The following PRR5 variants were observed in gnomAD, a reference collection of about 807,000 sequenced individuals.
PRR5 encodes the protein proline-rich protein 5.
PRR5 carries 25 observed loss-of-function variants against 30.6 expected under a neutral mutation model. The observed-to-expected ratio is 0.82, with a 90% CI of 0.60 to 1.14. The LOEUF is 1.14. Ranked by LOEUF, PRR5 falls within the 50% of genes most tolerant of loss-of-function variation. The probability of loss-of-function intolerance (pLI) is 0.00; values close to 1 mark genes in which losing one functional copy is unlikely to be tolerated. For synonymous variants in PRR5, 286 were observed against 247.1 expected (o/e 1.16, Z -1.48); for missense variants, 600 against 547.1 (o/e 1.10, Z -0.96).
chr22:44,732,920 G>A (rs1922429803), intron 6 of PRR5, among the ~76,000 whole-genome samples: 1 of 143,998 alleles, frequency 6.9e-6, no homozygotes, highest in East Asian at 2.1e-4. Context: ...CACTACACAC[G>A]TGCGCACGCA....
At chr22:44,710,543 G>A (rs752925341) in intron 1 of PRR5, among the ~76,000 whole-genome samples, 77 of 152,184 alleles carry the variant, frequency 5.1e-4, no homozygotes, top group Non-Finnish European at 9.0e-4. Flanking sequence ...GGCAGCTGGG[G>A]TTTCGTTTCT....
chr22:44,733,373 C>T (rs1922594892), intron 6 of PRR5, among the ~76,000 whole-genome samples: 2 of 152,262 alleles, frequency 1.3e-5, no homozygotes, highest in South Asian at 4.1e-4. Flanking sequence ...GGCGGGAGCC[C>T]AGCTTCACCC....
intron 7 of PRR5, among the ~76,000 whole-genome samples, chr22:44,736,086 C>T (rs1311164085): frequency 6.6e-6 from 1 of 152,204 alleles, no homozygotes; most frequent in Admixed American, 6.5e-5. Context: ...TGCCCCCCAA[C>T]CAGCCTTGGC....
chr22:44,678,267 C>G (rs1351644577), intron 1 of PRR5, among the ~76,000 whole-genome samples: 1 of 151,416 alleles, frequency 6.6e-6, no homozygotes, highest in Admixed American at 6.6e-5. Context: ...TCCTGCTGTT[C>G]CTATGCCTAG....
chr22:44,685,144 G>C (rs1924631236), intron 1 of PRR5, among the ~76,000 whole-genome samples: 1 of 152,158 alleles, frequency 6.6e-6, no homozygotes, highest in South Asian at 2.1e-4. Flanking sequence ...TGGAAATTCT[G>C]GCCTGTAGGT....
At chr22:44,686,844 T>A (rs530989739) in intron 1 of PRR5, among the ~76,000 whole-genome samples, 2 of 152,328 alleles carry the variant, frequency 1.3e-5, no homozygotes, top group East Asian at 3.9e-4. Flanking sequence ...GAACTCCTGA[T>A]CTCATGATCT....
At chr22:44,714,250 G>A (rs1928712844) in intron 1 of PRR5, among the ~76,000 whole-genome samples, 1 of 152,204 alleles carries the variant, frequency 6.6e-6, no homozygotes, top group African/African-American at 2.4e-5. Context: ...ATGTGTTGGG[G>A]GGTGGGAGAG....
Position 44,716,826 on chromosome 22 carries a change from C to T in PRR5, c.215+2155C>T, listed in dbSNP as rs1020368293. On this transcript the variant is annotated intron_variant, in intron 2 of 7. Coordinates refer to ENST00000336985, the MANE Select transcript of PRR5 (RefSeq NM_181333.4). The stretch of plus-strand genomic sequence containing the variant: ...CTGTAATCCCAGCACTTTGGGAGGC[C>T]GAGGCAGGAGGATTGCTTGCGTTCA... Among the ~76,000 whole-genome samples the T allele has an allele frequency of 2.0e-5, 3 of 152,154 alleles. No homozygotes were observed. In the East Asian group the frequency reaches 5.8e-4, roughly 30 times the overall value.
intron 1 of PRR5, among the ~76,000 whole-genome samples, chr22:44,685,525 G>C (rs1924664821): frequency 6.7e-6 from 1 of 149,756 alleles, no homozygotes; most frequent in African/African-American, 2.5e-5. Flanking sequence ...TGCGCTTTCA[G>C]AGAAGCCAGT....
At chr22:44,721,505 T>C (rs927859493) in intron 2 of PRR5, among the ~76,000 whole-genome samples, 6 of 152,124 alleles carry the variant, frequency 3.9e-5, no homozygotes, top group East Asian at 1.9e-4. Context: ...GCCCAACCAA[T>C]TGTGGTAGGG....
intron 7 of PRR5, 31 bp downstream of exon 7, chr22:44,735,193 C>A: frequency 6.3e-7 from 1 of 1,598,726 alleles, no homozygotes; most frequent in Non-Finnish European, 8.5e-7. Flanking sequence ...TGGGCTGGGG[C>A]AGGGGTGACC....
intron 4 of PRR5, chr22:44,731,273 T>G (rs1358341914): frequency 3.7e-6 from 1 of 267,856 alleles, no homozygotes; most frequent in Non-Finnish European, 7.4e-6. Flanking sequence ...AGGTCTCACC[T>G]GTGCCGAGTG....
At chr22:44,674,674 C>T (rs913249613), upstream of PRR5, among the ~76,000 whole-genome samples, 1 of 150,224 alleles carries the variant, frequency 6.7e-6, no homozygotes, top group Non-Finnish European at 1.5e-5. Context: ...TGAGCCAAGA[C>T]CGCCACTGCA....
chr22:44,707,687 C>T (rs552753843), intron 1 of PRR5, among the ~76,000 whole-genome samples: 17 of 152,358 alleles, frequency 1.1e-4, no homozygotes, highest in Middle Eastern at 3.4e-3. Flanking sequence ...TTGCCCTCAC[C>T]TCTGTCTGGG....
chr22:44,693,107 C>T (rs1477169629), intron 1 of PRR5, among the ~76,000 whole-genome samples: 1 of 152,050 alleles, frequency 6.6e-6, no homozygotes, highest in Non-Finnish European at 1.5e-5. Flanking sequence ...TGGGGAAAGG[C>T]AACGTATTTG....
chr22:44,732,438 A>C (rs1322429493), intron 6 of PRR5, 47 bp downstream of exon 6: 2 of 1,578,070 alleles, frequency 1.3e-6, no homozygotes. Context: ...GTGGGGCAGT[A>C]ATTGGGCTCA....
chr22:44,728,400 C>T (rs577572281), intron 4 of PRR5, among the ~76,000 whole-genome samples: 9 of 152,326 alleles, frequency 5.9e-5, no homozygotes, highest in African/African-American at 1.9e-4. Context: ...TCTGGGAGCC[C>T]AGAGATGGAG....
At chr22:44,692,175 G>A (rs941685631) in intron 1 of PRR5, among the ~76,000 whole-genome samples, 1 of 151,170 alleles carries the variant, frequency 6.6e-6, no homozygotes, top group Non-Finnish European at 1.5e-5. Context: ...CTCCTCCCGG[G>A]GCTCCTCCAC....
At chr22:44,677,483 G>A (rs1484886761) in intron 1 of PRR5, among the ~76,000 whole-genome samples, 2 of 152,244 alleles carry the variant, frequency 1.3e-5, no homozygotes, top group East Asian at 1.9e-4. Context: ...TTGTGCTTTC[G>A]ATTTTTAGAG....
Sources: allele counts gnomAD v4.1 joint callset (sites outside exome capture counted in the v4.1 genomes callset), GRCh38; gene constraint gnomAD v4.1.1; transcripts MANE v1.5; gene names NCBI Gene and HGNC (gene_info 2026-07-23, HGNC 2026-07-21).